The following LRRC8A variants were observed in gnomAD, a reference collection of about 807,000 sequenced individuals.
The protein encoded by LRRC8A is volume-regulated anion channel subunit LRRC8A.
Under a neutral mutation model 52.5 loss-of-function variants are expected in LRRC8A, and 24 were observed. The observed-to-expected ratio is 0.46, with a 90% CI of 0.33 to 0.64. The LOEUF (loss-of-function observed/expected upper bound fraction) is 0.64, where lower values mean the gene tolerates loss of function less well. Among genes scored for constraint, LRRC8A ranks in the 30% least tolerant of loss-of-function variants. The probability of loss-of-function intolerance (pLI) is 0.02; values close to 1 mark genes in which losing one functional copy is unlikely to be tolerated. For missense variants in LRRC8A, 677 were observed against 1,094.7 expected (o/e 0.62, Z 5.38); for synonymous variants, 492 against 494.2 (o/e 1.00, Z 0.06).
At chr9:128,894,111 C>T (rs890143397) in intron 2 of LRRC8A, among the ~76,000 whole-genome samples, 6 of 152,134 alleles carry the variant, frequency 3.9e-5, no homozygotes, top group Middle Eastern at 3.4e-3. Flanking sequence ...AAACTCCTGA[C>T]CTCAAGTAAT....
intron 1 of LRRC8A, chr9:128,882,586 A>C (rs913774908): frequency 7.6e-6 from 3 of 394,776 alleles, no homozygotes; most frequent in Non-Finnish European, 1.3e-5. Flanking sequence ...TCACCCCTCC[A>C]CACACACTCT....
chr9:128,907,878 G>A lies in LRRC8A; in HGVS notation c.714G>A (p.Glu238=). Reference sequence around the variant, plus strand: ...GCGTGCTGGACAAGAAGGAGGGGGAGCAAGCCAAGGCGCTGTTTGAGAAGG... The same window carrying A: ...GCGTGCTGGACAAGAAGGAGGGGGAACAAGCCAAGGCGCTGTTTGAGAAGG... ...ETGVLDKKEG[E]QAKALFEKVK... Residue 238 remains glutamate, a synonymous_variant, in exon 3 of 4, where the codon GAG becomes GAA. Coordinates refer to ENST00000372600, the MANE Select transcript of LRRC8A (RefSeq NM_019594.4). This position sits in a 1 kb window ranked among gnomAD's most constrained non-coding sequence, Gnocchi z 9.3. 1 of 1,614,136 alleles carries A rather than the reference G, an allele frequency of 6.2e-7. No individual in the cohort carries two copies. Among genetic ancestry groups the A allele is most frequent in the East Asian group, 2.2e-5 (1 of 44,872 alleles).
At chr9:128,910,004 T>C (rs1840438483) in intron 3 of LRRC8A, among the ~76,000 whole-genome samples, 1 of 152,222 alleles carries the variant, frequency 6.6e-6, no homozygotes, top group African/African-American at 2.4e-5. Context: ...TTCGACATAC[T>C]TTCAAGACTG....
chr9:128,889,360 G>A (rs1299257629), intron 2 of LRRC8A, among the ~76,000 whole-genome samples: 1 of 152,092 alleles, frequency 6.6e-6, no homozygotes, highest in African/African-American at 2.4e-5. Context: ...AAACAATGCT[G>A]AGAAACACTG....
intron 2 of LRRC8A, among the ~76,000 whole-genome samples, chr9:128,897,596 G>T (rs1266695881): frequency 2.0e-5 from 3 of 151,912 alleles, no homozygotes; most frequent in African/African-American, 7.3e-5. Flanking sequence ...CCAGGCTGGG[G>T]TGCAATGGCG....
rs376586734 is a variant in LRRC8A, at chr9:128,907,416, C to G, written c.252C>G (p.Ser84=). ...APGPEPTYPN[S]TILPTPDTGP... ...GCCCGGAGCCCACCTACCCCAACTCCACCATTCTGCCGACCCCTGACACGG... is the reference window on the plus strand; with the variant it reads ...GCCCGGAGCCCACCTACCCCAACTCGACCATTCTGCCGACCCCTGACACGG... Residue 84 remains serine, a synonymous_variant, in exon 3 of 4, where the codon TCC becomes TCG. Coordinates refer to ENST00000372600, the MANE Select transcript of LRRC8A (RefSeq NM_019594.4). The surrounding 1 kb of genome is among the most constrained non-coding windows in gnomAD (Gnocchi z 9.3). The G allele has an allele frequency of 3.1e-6, 5 of 1,613,364 alleles. No homozygotes were observed. The African/African-American group carries it at 6.7e-5, about 22-fold the overall frequency.
intron 2 of LRRC8A, among the ~76,000 whole-genome samples, chr9:128,888,661 C>T (rs991335956): frequency 3.3e-5 from 5 of 152,078 alleles, no homozygotes; most frequent in East Asian, 1.9e-4. Context: ...AGCATACAGG[C>T]GTGGCAGCCT....
chr9:128,892,135 A>G lies in LRRC8A; in HGVS notation c.-9+6014A>G, dbSNP rs893204048. Among the ~76,000 whole-genome samples, 3 of 152,154 alleles carry G rather than the reference A, an allele frequency of 2.0e-5. No individual in the cohort carries two copies. The highest frequency in any genetic ancestry group is 2.9e-5 in the Non-Finnish European group (2 of 68,010). Reference sequence around the variant, plus strand: ...AACCAGAGCCCAGCGAGGTGAAGGGACTTTCTCACGGTCTCGTGGTGAGGT... The same window carrying G: ...AACCAGAGCCCAGCGAGGTGAAGGGGCTTTCTCACGGTCTCGTGGTGAGGT... On this transcript the variant is annotated intron_variant, in intron 2 of 3. Coordinates refer to ENST00000372600, the MANE Select transcript of LRRC8A (RefSeq NM_019594.4). The surrounding 1 kb of genome is among the most constrained non-coding windows in gnomAD (Gnocchi z 5.2).
At chr9:128,891,776 G>T (rs1839631894) in intron 2 of LRRC8A, among the ~76,000 whole-genome samples, 1 of 152,150 alleles carries the variant, frequency 6.6e-6, no homozygotes, top group Non-Finnish European at 1.5e-5. Flanking sequence ...CTTGTCTCAA[G>T]AAGTATCTTC....
At chr9:128,904,997 C>CAAAAAA (rs770042979) in intron 2 of LRRC8A, among the ~76,000 whole-genome samples, 51 of 29,858 alleles carry the variant, frequency 1.7e-3, no homozygotes, top group East Asian at 8.6e-3. Flanking sequence ...GACTCCGTCT[C>CAAAAAA]AAAAAAAAAA....
In LRRC8A at chr9:128,888,092, T is replaced by A. The variant is rs372995807; in HGVS notation, c.-9+1971T>A. Among the ~76,000 whole-genome samples, 21 of 152,022 alleles carry A rather than the reference T, an allele frequency of 1.4e-4. 1 individual carries two copies. In the East Asian group the frequency reaches 4.1e-3, roughly 30 times the overall value. On this transcript the variant is annotated intron_variant, in intron 2 of 3. Transcript: ENST00000372600. Reference sequence around the variant, plus strand: ...TACAGCAGCAGAGGGAGGTCGGAAGTGCCTGGTGTGTGATTGTGTCGACTC... The same window carrying A: ...TACAGCAGCAGAGGGAGGTCGGAAGAGCCTGGTGTGTGATTGTGTCGACTC...
At chr9:128,890,167 T>TGTGTGTGTGC (rs1554821412) in intron 2 of LRRC8A, among the ~76,000 whole-genome samples, 2 of 151,086 alleles carry the variant, frequency 1.3e-5, no homozygotes, top group Non-Finnish European at 3.0e-5. Flanking sequence ...TGTGTGTGTG[T>TGTGTGTGTGC]GTGCTGGGAA....
At chr9:128,891,144 C>T (rs1340811776) in intron 2 of LRRC8A, among the ~76,000 whole-genome samples, 1 of 152,092 alleles carries the variant, frequency 6.6e-6, no homozygotes, top group East Asian at 1.9e-4. Context: ...TGGTGACATG[C>T]ACCTGTAATC....
chr9:128,909,433 T>C, intron 3 of LRRC8A, 112 bp downstream of exon 3: 1 of 1,041,268 alleles, frequency 9.6e-7, no homozygotes, highest in Non-Finnish European at 1.4e-6. Flanking sequence ...CCCCTGAGTG[T>C]GGAGTCCTCA....
Position 128,895,683 on chromosome 9 carries a change from G to A in LRRC8A, c.-9+9562G>A, listed in dbSNP as rs187819031. ...CTCCCTGGGGGCAGGGCAGGACCAG[G>A]TAGGGAGTGCTTACGAGTTCTGCAG... On this transcript the variant is annotated intron_variant, in intron 2 of 3. Transcript: ENST00000372600. Among the ~76,000 whole-genome samples the A allele has an allele frequency of 2.4e-3, 373 of 152,280 alleles. 7 individuals are homozygous for A. The highest frequency in any genetic ancestry group is 4.0e-4 in the Non-Finnish European group (27 of 67,996).
chr9:128,891,265 C>T (rs918003990), intron 2 of LRRC8A, among the ~76,000 whole-genome samples: 4 of 150,310 alleles, frequency 2.7e-5, no homozygotes, highest in Non-Finnish European at 4.4e-5. Context: ...AGTGAGATCC[C>T]GTCTAAAAAA....
In LRRC8A at chr9:128,887,366, A is replaced by G. The variant is rs185248955; in HGVS notation, c.-9+1245A>G. Among the ~76,000 whole-genome samples, 42 of 151,922 alleles carry G rather than the reference A, an allele frequency of 2.8e-4. 1 individual carries two copies. In the East Asian group the frequency reaches 7.6e-3, roughly 27 times the overall value. Reference sequence around the variant, plus strand: ...TATTATGGAGATAGAGCCTCTCTACATTGCCCAGGCTGGTCTCGAACTCCT... The same window carrying G: ...TATTATGGAGATAGAGCCTCTCTACGTTGCCCAGGCTGGTCTCGAACTCCT... On this transcript the variant is annotated intron_variant, in intron 2 of 3. Transcript: ENST00000372600.
At chr9:128,890,130 T>TTGTGTGTGTGTG (rs57721007) in intron 2 of LRRC8A, among the ~76,000 whole-genome samples, 20,345 of 128,044 alleles carry the variant, frequency 0.16, 2,087 homozygotes, top group Middle Eastern at 0.2. Context: ...TGGCTTCATT[T>TTGTGTGTGTGTG]TGTGTGTGTG....
In LRRC8A at chr9:128,908,561, C is replaced by T. The variant is rs1269974722; in HGVS notation, c.1397C>T (p.Ala466Val). The part of the protein sequence containing the change: ...IPDVTIPPSI[A>V]QLTGLKELWL... ...GACGTGACCATCCCGCCCAGCATTGCCCAGCTCACGGGCCTCAAGGAGCTG... is the reference window on the plus strand; with the variant it reads ...GACGTGACCATCCCGCCCAGCATTGTCCAGCTCACGGGCCTCAAGGAGCTG... Residue 466 changes from alanine (A) to valine (V), a missense_variant, in exon 3 of 4, where the codon GCC becomes GTC. By Grantham distance (64) the Ala-to-Val change is moderately conservative. Coordinates refer to ENST00000372600, the MANE Select transcript of LRRC8A (RefSeq NM_019594.4). 3.1e-6 allele frequency: 5 copies of T among 1,612,846 alleles called. No homozygotes were observed. The highest frequency in any genetic ancestry group is 4.2e-6 in the Non-Finnish European group (5 of 1,179,996).
Sources: allele counts gnomAD v4.1 joint callset (sites outside exome capture counted in the v4.1 genomes callset), GRCh38; gene constraint gnomAD v4.1.1; non-coding constraint Gnocchi (gnomAD v3.1); transcripts MANE v1.5; gene names NCBI Gene and HGNC (gene_info 2026-07-23, HGNC 2026-07-21).